ERBB4: variants seen among roughly 807,000 people sequenced by gnomAD.
The protein encoded by ERBB4 is receptor tyrosine-protein kinase erbB-4.
In ERBB4, 42 loss-of-function variants were observed where a neutral mutation model predicts 158.0. That is an observed-to-expected ratio of 0.27 (90% CI 0.21 to 0.34). The LOEUF (loss-of-function observed/expected upper bound fraction) is 0.34. ERBB4 is among the 10% of genes least tolerant of loss of function. The pLI is 1.00. For missense variants in ERBB4, 1,333 were observed against 1,624.1 expected (o/e 0.82, Z 3.08); for synonymous variants, 583 against 558.7 (o/e 1.04, Z -0.61).
At chr2:211,851,725 T>C (rs923209962) in intron 3 of ERBB4, among the ~76,000 whole-genome samples, 13 of 151,968 alleles carry the variant, frequency 8.6e-5, no homozygotes, top group African/African-American at 3.1e-4. Context: ...TTTGATCCTA[T>C]TGTGATAAGA....
intron 2 of ERBB4, among the ~76,000 whole-genome samples, chr2:211,968,880 T>C (rs574511408): frequency 1.2e-4 from 18 of 152,140 alleles, no homozygotes; most frequent in Admixed American, 8.5e-4. Flanking sequence ...GCCCTTGCTC[T>C]CTTCAATTTG....
At chr2:211,795,953 C>A (rs1289447673) in intron 3 of ERBB4, among the ~76,000 whole-genome samples, 1 of 151,836 alleles carries the variant, frequency 6.6e-6, no homozygotes, top group African/African-American at 2.4e-5. Flanking sequence ...AACCTCGCAT[C>A]TTCTGGATAT....
intron 2 of ERBB4, among the ~76,000 whole-genome samples, chr2:212,087,376 C>T (rs1435588563): frequency 1.3e-5 from 2 of 152,036 alleles, no homozygotes; most frequent in Non-Finnish European, 2.9e-5. Flanking sequence ...AACCAATGAA[C>T]ACAATTTATA....
chr2:212,094,760 T>C (rs553829390), intron 2 of ERBB4, among the ~76,000 whole-genome samples: 8 of 152,238 alleles, frequency 5.3e-5, no homozygotes, highest in South Asian at 2.1e-4. Context: ...TTAAACTTTT[T>C]TCTTGATAAA....
chr2:212,392,982 G>C (rs2090922299), intron 1 of ERBB4, among the ~76,000 whole-genome samples: 1 of 151,896 alleles, frequency 6.6e-6, no homozygotes, highest in African/African-American at 2.4e-5. Context: ...GGTCTTCTAG[G>C]ACTGACAGAG....
At chr2:211,521,870 G>A (rs1289695392) in intron 20 of ERBB4, among the ~76,000 whole-genome samples, 2 of 152,118 alleles carry the variant, frequency 1.3e-5, no homozygotes, top group Non-Finnish European at 2.9e-5. Context: ...TGTCAGCATG[G>A]TTTGCGAAAT....
At chr2:211,738,805 T>A (rs534671216) in intron 5 of ERBB4, among the ~76,000 whole-genome samples, 254 of 151,838 alleles carry the variant, frequency 1.7e-3, no homozygotes, top group African/African-American at 5.8e-3. Flanking sequence ...TAGCTGAGAT[T>A]ACAGGTGCTC....
intron 20 of ERBB4, among the ~76,000 whole-genome samples, chr2:211,540,442 G>C (rs377593871): frequency 6.6e-6 from 1 of 151,954 alleles, no homozygotes; most frequent in Admixed American, 6.6e-5. Flanking sequence ...GAGGGGGAAC[G>C]ACACCTGATG....
chr2:211,818,352 G>A (rs1387771239), intron 3 of ERBB4, among the ~76,000 whole-genome samples: 2 of 152,082 alleles, frequency 1.3e-5, no homozygotes, highest in Non-Finnish European at 2.9e-5. Flanking sequence ...TGTCTAATGA[G>A]AGATCAGATA....
At chr2:211,686,967 G>A (rs1378460187) in intron 12 of ERBB4, among the ~76,000 whole-genome samples, 2 of 152,064 alleles carry the variant, frequency 1.3e-5, no homozygotes, top group East Asian at 1.9e-4. Flanking sequence ...GTCACAGAGA[G>A]TGTAAGCTGC....
intron 4 of ERBB4, among the ~76,000 whole-genome samples, chr2:211,780,503 G>T (rs547819973): frequency 6.6e-6 from 1 of 152,212 alleles, no homozygotes; most frequent in Non-Finnish European, 1.5e-5. Context: ...GCTTGCTTCC[G>T]TAATGTTCTT....
At chr2:211,657,895 G>A in intron 15 of ERBB4, 67 bp from the exon 16 acceptor site, 1 of 1,593,436 alleles carries the variant, frequency 6.3e-7, no homozygotes, top group Non-Finnish European at 8.6e-7. Context: ...ACATGCACCA[G>A]TGCTCACACA....
At chr2:211,698,537 A>AT (rs573658142) in intron 12 of ERBB4, among the ~76,000 whole-genome samples, 4 of 151,782 alleles carry the variant, frequency 2.6e-5, no homozygotes. Flanking sequence ...GTTTAAAAAT[A>AT]TTTTTATATA....
At position 212,129,479 on chromosome 2, in the gene ERBB4, G is replaced by A. The variant is rs571116301; in HGVS notation, c.83-4576C>T. ...AATCTGGATAGTTATATATTCATAA[G>A]TTCTCATTAATATTCATTTAAATAT... On this transcript the variant is annotated intron_variant, in intron 1 of 27. Coordinates refer to ENST00000342788, the MANE Select transcript of ERBB4 (RefSeq NM_005235.3). 2.7e-3 allele frequency among the ~76,000 whole-genome samples: 401 copies of A among 151,256 alleles called. 2 individuals are homozygous for A. Among genetic ancestry groups the A allele is most frequent in the African/African-American group, 8.6e-3 (357 of 41,346 alleles).
intron 1 of ERBB4, among the ~76,000 whole-genome samples, chr2:212,506,578 G>T (rs997745647): frequency 6.6e-6 from 1 of 150,568 alleles, no homozygotes; most frequent in African/African-American, 2.4e-5. Context: ...ATGGAGAAAA[G>T]TTTTAATAGT....
At chr2:212,188,090 T>C (rs554260830) in intron 1 of ERBB4, among the ~76,000 whole-genome samples, 4 of 152,108 alleles carry the variant, frequency 2.6e-5, no homozygotes, top group East Asian at 1.9e-4. Flanking sequence ...TTAGTGAATA[T>C]AGCCACAATC....
chr2:211,449,320 A>T (rs2064186653), intron 20 of ERBB4, among the ~76,000 whole-genome samples: 1 of 152,170 alleles, frequency 6.6e-6, no homozygotes, highest in Non-Finnish European at 1.5e-5. Context: ...ACTGTTTTGT[A>T]AAATTTAATA....
At chr2:212,114,120 T>C (rs2125547029) in intron 2 of ERBB4, among the ~76,000 whole-genome samples, 1 of 152,278 alleles carries the variant, frequency 6.6e-6, no homozygotes, top group East Asian at 1.9e-4. Context: ...TACTTGTTAT[T>C]TAGGAGTGTT....
At chr2:211,575,614 G>T (rs1574785600) in intron 19 of ERBB4, among the ~76,000 whole-genome samples, 1 of 152,106 alleles carries the variant, frequency 6.6e-6, no homozygotes, top group East Asian at 1.9e-4. Flanking sequence ...TTTAAAGGGA[G>T]ATATCTACTC....
Sources: gnomAD v4.1 joint callset for allele counts (sites outside exome capture counted in the v4.1 genomes callset) on GRCh38, gnomAD v4.1.1 for gene constraint, MANE v1.5 for transcripts, NCBI Gene and HGNC (gene_info 2026-07-23, HGNC 2026-07-21) for gene names.